MYO3B: variants seen among roughly 807,000 people sequenced by gnomAD.
MYO3B encodes myosin IIIB, also known as myosin-IIIb.
In MYO3B, 156 loss-of-function variants were observed where a neutral mutation model predicts 174.6. The observed-to-expected ratio is 0.89, with a 90% CI of 0.78 to 1.02. The LOEUF is 1.02. Ranked by LOEUF, MYO3B falls within the 50% of genes least tolerant of loss-of-function variation. MYO3B has a pLI of 0.00. For synonymous variants in MYO3B, 563 were observed against 569.1 expected, an observed-to-expected ratio of 0.99 and a Z score of 0.15; for missense variants, 1,632 against 1,639.4, an observed-to-expected ratio of 1.00 and a Z score of 0.08.
At chr2:170,394,507 G>C (rs936516573) in intron 16 of MYO3B, among the ~76,000 whole-genome samples, 27 of 151,604 alleles carry the variant, frequency 1.8e-4, no homozygotes, top group Admixed American at 1.6e-3. Context: ...TGGGAAAAAA[G>C]GTACAATAGA....
intron 32 of MYO3B, among the ~76,000 whole-genome samples, chr2:170,554,926 A>C (rs74321643): frequency 0.014 from 2,119 of 152,314 alleles, 64 homozygotes; most frequent in East Asian, 0.11. Flanking sequence ...GAAACAACAC[A>C]TACTCTCAAG....
In MYO3B at chr2:170,394,357, A is replaced by T. The variant is rs114028462; in HGVS notation, c.1791+1862A>T. Among the ~76,000 whole-genome samples, 334 of 152,304 alleles carry T rather than the reference A, an allele frequency of 2.2e-3. 2 individuals are homozygous for T. The highest frequency in any genetic ancestry group is 7.8e-3 in the African/African-American group (325 of 41,558). The stretch of plus-strand genomic sequence containing the variant: ...AGCAATGTACTGCTAATAATAATAA[A>T]ACAGATGCTATCTGTTTCAGGATAA... On this transcript the variant is annotated intron_variant, in intron 16 of 34. Coordinates refer to ENST00000408978, the MANE Select transcript of MYO3B (RefSeq NM_138995.5).
At chr2:170,351,180 A>G (rs1193537028) in intron 8 of MYO3B, 2 of 152,334 alleles carry the variant, frequency 1.3e-5, no homozygotes, top group Non-Finnish European at 2.9e-5. Context: ...GTCCGCAGGT[A>G]TCAAGAGCAG....
intron 7 of MYO3B, among the ~76,000 whole-genome samples, chr2:170,251,658 C>A (rs73027164): frequency 0.016 from 2,404 of 152,258 alleles, 67 homozygotes; most frequent in African/African-American, 0.055. Context: ...CCTTCCCTTA[C>A]AGGTTTTAGA....
intron 32 of MYO3B, among the ~76,000 whole-genome samples, chr2:170,641,860 G>A (rs992803676): frequency 4.3e-5 from 2 of 46,688 alleles, no homozygotes; most frequent in Admixed American, 2.6e-4. Context: ...TTGTTAAGTG[G>A]GGGGGGGGGG....
intron 8 of MYO3B, chr2:170,341,520 ACTCT>A (rs766046933): frequency 2.0e-5 from 3 of 151,958 alleles, no homozygotes; most frequent in South Asian, 2.1e-4. Flanking sequence ...CTAGTGACAG[ACTCT>A]CTCCATTTTA....
chr2:170,583,107 C>T (rs1693260785), intron 32 of MYO3B, among the ~76,000 whole-genome samples: 1 of 151,468 alleles, frequency 6.6e-6, no homozygotes, highest in Admixed American at 6.6e-5. Context: ...CCCCCTCCCC[C>T]TTGACTGAGC....
chr2:170,382,269 A>T (rs1192432234), intron 10 of MYO3B, 157 bp downstream of exon 10: 3 of 579,498 alleles, frequency 5.2e-6, no homozygotes, highest in Middle Eastern at 4.3e-4. Context: ...AGTTGCTGTG[A>T]CTATGATCCT....
At chr2:170,191,412 G>T (rs2092538650) in intron 1 of MYO3B, among the ~76,000 whole-genome samples, 1 of 152,046 alleles carries the variant, frequency 6.6e-6, no homozygotes, top group Admixed American at 6.6e-5. Flanking sequence ...CCCAGGAATT[G>T]CAGTCTTTGT....
intron 32 of MYO3B, among the ~76,000 whole-genome samples, chr2:170,593,911 G>T (rs530049791): frequency 6.6e-6 from 1 of 152,190 alleles, no homozygotes; most frequent in African/African-American, 2.4e-5. Context: ...CTTGGGGCTC[G>T]CTGATATTGT....
At chr2:170,547,149 C>G (rs1477229901) in intron 32 of MYO3B, among the ~76,000 whole-genome samples, 9 of 131,066 alleles carry the variant, frequency 6.9e-5, no homozygotes, top group African/African-American at 2.5e-4. Flanking sequence ...GAAACCCCGT[C>G]TCTACTAAAA....
intron 32 of MYO3B, among the ~76,000 whole-genome samples, chr2:170,650,540 T>G (rs1698918536): frequency 6.6e-6 from 1 of 152,022 alleles, no homozygotes; most frequent in African/African-American, 2.4e-5. Context: ...TGGACAATAT[T>G]CTATGACAGA....
intron 24 of MYO3B, among the ~76,000 whole-genome samples, chr2:170,465,987 G>A (rs1684602781): frequency 6.6e-6 from 1 of 152,106 alleles, no homozygotes; most frequent in Non-Finnish European, 1.5e-5. Context: ...TATGTTAGTT[G>A]ATAGTCACCA....
intron 9 of MYO3B, among the ~76,000 whole-genome samples, chr2:170,377,650 A>T (rs2094304751): frequency 6.6e-6 from 1 of 152,160 alleles, no homozygotes; most frequent in South Asian, 2.1e-4. Context: ...CCAAGCCAAG[A>T]CTTTCCCTCT....
intron 32 of MYO3B, among the ~76,000 whole-genome samples, chr2:170,627,026 T>C (rs1696503413): frequency 6.6e-6 from 1 of 152,058 alleles, no homozygotes; most frequent in African/African-American, 2.4e-5. Flanking sequence ...ATTATGTGTC[T>C]TGGAGTTGCT....
At chr2:170,402,739 G>A (rs551344474) in intron 18 of MYO3B, 109 bp from the exon 19 acceptor site, 1 of 1,018,692 alleles carries the variant, frequency 9.8e-7, no homozygotes, top group Admixed American at 2.7e-5. Context: ...CTTTCCATGA[G>A]TGGGTGAATT....
chr2:170,479,331 A>G (rs1685529351), intron 25 of MYO3B, among the ~76,000 whole-genome samples: 1 of 147,612 alleles, frequency 6.8e-6, no homozygotes, highest in African/African-American at 2.5e-5. Flanking sequence ...TATTATATGT[A>G]TGTGTGTATG....
At chr2:170,584,192 C>T (rs956254477) in intron 32 of MYO3B, among the ~76,000 whole-genome samples, 2 of 152,204 alleles carry the variant, frequency 1.3e-5, no homozygotes, top group African/African-American at 4.8e-5. Context: ...TTGTGGTCCC[C>T]CTATGGGGCT....
chr2:170,211,263 C>CT (rs2092767173), intron 3 of MYO3B, among the ~76,000 whole-genome samples: 1 of 152,110 alleles, frequency 6.6e-6, no homozygotes, highest in South Asian at 2.1e-4. Context: ...GAGGAAAAGC[C>CT]TTTTTCCAGC....
Sources: allele counts gnomAD v4.1 joint callset (sites outside exome capture counted in the v4.1 genomes callset), GRCh38; gene constraint gnomAD v4.1.1; transcripts MANE v1.5; gene names NCBI Gene and HGNC (gene_info 2026-07-23, HGNC 2026-07-21).